ME3: variants seen among roughly 807,000 people sequenced by gnomAD.
ME3 encodes malic enzyme 3.
In ME3, 48 loss-of-function variants were observed where a neutral mutation model predicts 68.9. That is an observed-to-expected ratio of 0.70 (90% CI 0.55 to 0.89). The LOEUF (loss-of-function observed/expected upper bound fraction) is 0.89. Among genes scored for constraint, ME3 ranks in the 40% least tolerant of loss-of-function variants. ME3 has a pLI of 0.00. For missense variants in ME3, 675 were observed against 797.4 expected, an observed-to-expected ratio of 0.85 and a Z score of 1.85; for synonymous variants, 320 against 318.8, an observed-to-expected ratio of 1.00 and a Z score of -0.04.
intron 4 of ME3, among the ~76,000 whole-genome samples, chr11:86,518,390 G>A (rs1209106588): frequency 6.6e-6 from 1 of 151,986 alleles, no homozygotes; most frequent in African/African-American, 2.4e-5. Flanking sequence ...ACTTAACAAA[G>A]TAACGCTTAT....
intron 2 of ME3, among the ~76,000 whole-genome samples, chr11:86,663,186 A>G (rs1164971338): frequency 6.6e-6 from 1 of 152,220 alleles, no homozygotes; most frequent in Non-Finnish European, 1.5e-5. Flanking sequence ...TGATCATTCA[A>G]CTGTATCTTC....
intron 4 of ME3, among the ~76,000 whole-genome samples, chr11:86,522,837 A>G (rs1350015128): frequency 2.0e-5 from 3 of 152,190 alleles, no homozygotes; most frequent in African/African-American, 7.2e-5. Flanking sequence ...TAGAATTTAC[A>G]TTGTATTAGA....
intron 2 of ME3, among the ~76,000 whole-genome samples, chr11:86,576,036 C>T (rs1958087024): frequency 6.6e-6 from 1 of 152,148 alleles, no homozygotes; most frequent in South Asian, 2.1e-4. Context: ...GAAGTTTGCT[C>T]ATCGACAAAG....
chr11:86,436,522 AATTT>A (rs564431391), downstream of ME3: 48 of 152,188 alleles, frequency 3.2e-4, no homozygotes, highest in African/African-American at 1.1e-3. Context: ...GATGAAGTAC[AATTT>A]ATTTCTTTTA....
chr11:86,465,324 A>C (rs1233134799), intron 7 of ME3, 124 bp from the exon 8 acceptor site: 3 of 737,708 alleles, frequency 4.1e-6, no homozygotes, highest in Non-Finnish European at 2.4e-6. Flanking sequence ...TGGCTCCTTC[A>C]TCTGTGTTTT....
intron 2 of ME3, among the ~76,000 whole-genome samples, chr11:86,658,720 G>T (rs1252409674): frequency 2.6e-5 from 4 of 151,984 alleles, no homozygotes; most frequent in Non-Finnish European, 4.4e-5. Flanking sequence ...GCACCACCTG[G>T]CCAGCTGCCC....
chr11:86,625,973 G>A (rs1487840322), intron 2 of ME3, among the ~76,000 whole-genome samples: 1 of 152,024 alleles, frequency 6.6e-6, no homozygotes, highest in Non-Finnish European at 1.5e-5. Context: ...GAATTGTGCT[G>A]GTACATAGTG....
At chr11:86,663,747 A>C (rs1229151073) in intron 2 of ME3, among the ~76,000 whole-genome samples, 1 of 152,242 alleles carries the variant, frequency 6.6e-6, no homozygotes, top group East Asian at 1.9e-4. Context: ...AATGTGAAGT[A>C]AAATAAGGCC....
rs571802902 is a variant in ME3 at position 86,612,080 on chromosome 11, A to G, written c.184-52257T>C. ...ACCTTCCCTTGCCCCCCAACCCCCA[A>G]CAGGACCTGGTGTGTGTTTTTCCTC... On this transcript the variant is annotated intron_variant, in intron 2 of 14. Transcript: ENST00000543262. 3.5e-4 allele frequency among the ~76,000 whole-genome samples: 53 copies of G among 152,084 alleles called. 1 individual carries two copies. Among genetic ancestry groups the G allele is most frequent in the African/African-American group, 9.9e-4 (41 of 41,514 alleles).
At chr11:86,515,586 G>C (rs779937691) in intron 4 of ME3, among the ~76,000 whole-genome samples, 6 of 152,162 alleles carry the variant, frequency 3.9e-5, no homozygotes, top group Non-Finnish European at 7.4e-5. Flanking sequence ...TCTGCACACT[G>C]TAAAACCCTG....
intron 2 of ME3, among the ~76,000 whole-genome samples, chr11:86,596,307 T>A (rs1185345716): frequency 1.3e-5 from 2 of 152,210 alleles, no homozygotes; most frequent in African/African-American, 4.8e-5. Flanking sequence ...CAGTCTCTTT[T>A]GACTAGTGAA....
At chr11:86,602,902 G>T (rs934228782) in intron 2 of ME3, among the ~76,000 whole-genome samples, 1 of 152,172 alleles carries the variant, frequency 6.6e-6, no homozygotes, top group Non-Finnish European at 1.5e-5. Flanking sequence ...GCCATATGTA[G>T]AAAGCTGAAA....
exon 9 of ME3, chr11:86,450,355 T>G: frequency 1.2e-6 from 2 of 1,614,156 alleles, no homozygotes; most frequent in Non-Finnish European, 1.7e-6. Flanking sequence ...TCTTGGTGAT[T>G]CGCAGAGCAG....
At chr11:86,641,340 A>C (rs1565256158) in intron 2 of ME3, among the ~76,000 whole-genome samples, 1 of 152,234 alleles carries the variant, frequency 6.6e-6, no homozygotes, top group East Asian at 1.9e-4. Context: ...CTAATGAAGC[A>C]CTTCCTCTCT....
intron 2 of ME3, among the ~76,000 whole-genome samples, chr11:86,632,495 G>A (rs1007875826): frequency 1.3e-5 from 2 of 152,162 alleles, no homozygotes; most frequent in African/African-American, 4.8e-5. Flanking sequence ...ACATGGACTT[G>A]GGAATTAGTC....
chr11:86,604,105 A>G (rs1961229932), intron 2 of ME3, among the ~76,000 whole-genome samples: 1 of 148,722 alleles, frequency 6.7e-6, no homozygotes, highest in African/African-American at 2.5e-5. Flanking sequence ...TAATAAAAAA[A>G]AAAGTTAAAA....
chr11:86,615,640 T>C (rs1938932), intron 2 of ME3, among the ~76,000 whole-genome samples: 59,606 of 151,990 alleles, frequency 0.39, 12,389 homozygotes, highest in East Asian at 0.7. Flanking sequence ...TTCATTACTA[T>C]TTACCCCATA....
At chr11:86,636,168 C>G (rs758756470) in intron 2 of ME3, among the ~76,000 whole-genome samples, 1 of 151,980 alleles carries the variant, frequency 6.6e-6, no homozygotes, top group Non-Finnish European at 1.5e-5. Flanking sequence ...GTGTTGGGGG[C>G]AGGGCGGGGT....
At chr11:86,663,509 G>A (rs753299050) in intron 2 of ME3, among the ~76,000 whole-genome samples, 2 of 152,086 alleles carry the variant, frequency 1.3e-5, no homozygotes, top group African/African-American at 2.4e-5. Context: ...AGAGGCAGTC[G>A]GATACCACCC....
Sources: gnomAD v4.1 joint callset for allele counts (sites outside exome capture counted in the v4.1 genomes callset) on GRCh38, gnomAD v4.1.1 for gene constraint, MANE v1.5 for transcripts, NCBI Gene and HGNC (gene_info 2026-07-23, HGNC 2026-07-21) for gene names.